CHSY3: variants seen among roughly 807,000 people sequenced by gnomAD.
CHSY3 encodes the protein chondroitin sulfate synthase 3.
CHSY3 carries 35 observed loss-of-function variants against 67.2 expected under a neutral mutation model. That is an observed-to-expected ratio of 0.52 (90% CI 0.40 to 0.69). CHSY3 has a LOEUF of 0.69. Among genes scored for constraint, CHSY3 ranks in the 30% least tolerant of loss-of-function variants. The pLI is 0.00. For synonymous variants in CHSY3, 474 were observed against 434.7 expected (o/e 1.09, Z -1.12); for missense variants, 1,069 against 1,138.5 (o/e 0.94, Z 0.88).
chr5:130,008,210 G>A (rs1301210773), intron 2 of CHSY3, among the ~76,000 whole-genome samples: 7 of 152,142 alleles, frequency 4.6e-5, no homozygotes, highest in Admixed American at 3.9e-4. Context: ...ACAAAGCACT[G>A]TTGCTGCCCA....
At chr5:130,071,729 C>T (rs1011578943) in intron 2 of CHSY3, among the ~76,000 whole-genome samples, 4 of 152,024 alleles carry the variant, frequency 2.6e-5, no homozygotes, top group African/African-American at 9.7e-5. Flanking sequence ...GATATATACT[C>T]AGAAGTGGGA....
At chr5:130,011,948 A>G (rs1023880419) in intron 2 of CHSY3, among the ~76,000 whole-genome samples, 1 of 152,244 alleles carries the variant, frequency 6.6e-6, no homozygotes, top group African/African-American at 2.4e-5. Flanking sequence ...AACACTGTCC[A>G]AAGAAATCAG....
At position 130,115,696 on chromosome 5, in the gene CHSY3, G is replaced by C. The variant is rs149953002; in HGVS notation, c.1087-68533G>C. ...GGGCCCAATTATTCACTTCTTACTT[G>C]GGTTATTGTAGCATTGACTTCTTGT... On this transcript the variant is annotated intron_variant, in intron 2 of 2. Transcript: ENST00000305031. Among the ~76,000 whole-genome samples the C allele has an allele frequency of 1.5e-3, 230 of 152,118 alleles. 1 individual carries two copies. The highest frequency in any genetic ancestry group is 4.7e-3 in the African/African-American group (197 of 41,476).
chr5:130,119,012 A>G (rs1767916284), intron 2 of CHSY3, among the ~76,000 whole-genome samples: 1 of 152,126 alleles, frequency 6.6e-6, no homozygotes, highest in South Asian at 2.1e-4. Flanking sequence ...CCATTTTAGA[A>G]TGAAAGGGAA....
chr5:130,154,795 G>T (rs924733888), intron 2 of CHSY3, among the ~76,000 whole-genome samples: 1 of 152,136 alleles, frequency 6.6e-6, no homozygotes, highest in African/African-American at 2.4e-5. Flanking sequence ...AGGAGTGTGA[G>T]ATAATTACAA....
At chr5:130,041,768 A>G (rs1765012342) in intron 2 of CHSY3, among the ~76,000 whole-genome samples, 1 of 152,150 alleles carries the variant, frequency 6.6e-6, no homozygotes, top group African/African-American at 2.4e-5. Context: ...AGATATAAAC[A>G]ATGTAATAAT....
At chr5:130,081,576 A>C (rs906856880) in intron 2 of CHSY3, among the ~76,000 whole-genome samples, 1 of 152,044 alleles carries the variant, frequency 6.6e-6, no homozygotes, top group Non-Finnish European at 1.5e-5. Context: ...TGGCTCCCAT[A>C]ATACCCACAT....
intron 2 of CHSY3, among the ~76,000 whole-genome samples, chr5:130,075,074 TTC>T (rs1766206911): frequency 6.6e-6 from 1 of 152,070 alleles, no homozygotes; most frequent in South Asian, 2.1e-4. Context: ...ACGGAGCTAT[TTC>T]TGTTTGTTTT....
At chr5:130,117,656 T>G in intron 2 of CHSY3, among the ~76,000 whole-genome samples, 1 of 152,326 alleles carries the variant, frequency 6.6e-6, no homozygotes, top group Admixed American at 6.5e-5. Flanking sequence ...TGTAAAGATG[T>G]TAATTTTTCT....
At position 129,984,722 on chromosome 5, in the gene CHSY3, G is replaced by T. The variant is rs555157408; in HGVS notation, c.1086+76362G>T. ...TTTTTAATAGTAGCCATTCTGACTG[G>T]TGTGAGATAGTATCTCATTGTGGTT... On this transcript the variant is annotated intron_variant, in intron 2 of 2. Coordinates refer to ENST00000305031, the MANE Select transcript of CHSY3 (RefSeq NM_175856.5). 2.4e-4 allele frequency among the ~76,000 whole-genome samples: 36 copies of T among 152,186 alleles called. No homozygotes were observed. In the South Asian group the frequency reaches 4.4e-3, roughly 18 times the overall value.
intron 2 of CHSY3, among the ~76,000 whole-genome samples, chr5:130,147,571 A>T (rs1769108958): frequency 6.6e-6 from 1 of 152,170 alleles, no homozygotes; most frequent in African/African-American, 2.4e-5. Context: ...TTACATTGCT[A>T]TAAAGAAATA....
At chr5:130,147,430 G>A (rs1769105358) in intron 2 of CHSY3, among the ~76,000 whole-genome samples, 1 of 152,120 alleles carries the variant, frequency 6.6e-6, no homozygotes, top group African/African-American at 2.4e-5. Context: ...TAGAAATTGA[G>A]TCATAGAAAG....
intron 2 of CHSY3, among the ~76,000 whole-genome samples, chr5:130,096,174 A>G (rs1394777351): frequency 1.3e-5 from 2 of 152,042 alleles, no homozygotes; most frequent in Non-Finnish European, 2.9e-5. Flanking sequence ...AGAAATATAT[A>G]TATATATATG....
chr5:130,091,738 TA>T (rs1255971233), intron 2 of CHSY3, among the ~76,000 whole-genome samples: 9 of 152,132 alleles, frequency 5.9e-5, no homozygotes, highest in Admixed American at 5.2e-4. Flanking sequence ...TATATTTAGA[TA>T]GGGGGAAATG....
At chr5:130,033,634 T>C (rs1057215529) in intron 2 of CHSY3, among the ~76,000 whole-genome samples, 1 of 152,204 alleles carries the variant, frequency 6.6e-6, no homozygotes, top group African/African-American at 2.4e-5. Flanking sequence ...CCAATTTTTA[T>C]GTACAAGAAA....
chr5:130,134,366 T>C (rs1014691503), intron 2 of CHSY3, among the ~76,000 whole-genome samples: 14 of 152,328 alleles, frequency 9.2e-5, no homozygotes, highest in African/African-American at 3.4e-4. Context: ...AAAAGTAAGA[T>C]ATTTTGGTAG....
intron 2 of CHSY3, among the ~76,000 whole-genome samples, chr5:130,075,583 A>G (rs949482673): frequency 1.3e-5 from 2 of 152,202 alleles, no homozygotes; most frequent in African/African-American, 4.8e-5. Flanking sequence ...ATATAAAGAC[A>G]AAATATTTGT....
chr5:130,078,726 T>C (rs992302750), intron 2 of CHSY3, among the ~76,000 whole-genome samples: 1 of 152,272 alleles, frequency 6.6e-6, no homozygotes, highest in Admixed American at 6.5e-5. Context: ...TAAATTCCTA[T>C]TGACTTCATC....
intron 2 of CHSY3, among the ~76,000 whole-genome samples, chr5:129,910,508 T>C (rs1760499843): frequency 6.6e-6 from 1 of 152,024 alleles, no homozygotes; most frequent in East Asian, 1.9e-4. Context: ...TTAATTCTAA[T>C]AAAAAATCTC....
Sources: gnomAD v4.1 joint callset for allele counts (sites outside exome capture counted in the v4.1 genomes callset) on GRCh38, gnomAD v4.1.1 for gene constraint, MANE v1.5 for transcripts, NCBI Gene and HGNC (gene_info 2026-07-23, HGNC 2026-07-21) for gene names.